The following PROKR2 variants were observed in gnomAD, a reference collection of about 807,000 sequenced individuals.
PROKR2 encodes G protein-coupled receptor 73-like 1.
PROKR2 carries 26 observed loss-of-function variants against 23.4 expected under a neutral mutation model. The ratio of observed to expected loss-of-function variants is 1.11; its 90% CI spans 0.81 to 1.54. The LOEUF (loss-of-function observed/expected upper bound fraction) is 1.54, where lower values mean the gene tolerates loss of function less well. Ranked by LOEUF, PROKR2 falls within the 40% of genes most tolerant of loss-of-function variation. PROKR2 has a pLI of 0.00. For synonymous variants in PROKR2, 212 were observed against 201.2 expected (o/e 1.05, Z -0.45); for missense variants, 453 against 511.5 (o/e 0.89, Z 1.10).
rs1326942914 is a variant in PROKR2, at chr20:5,299,448, A to G, written c.*2592T>C. Among the ~76,000 whole-genome samples, 1 of 151,948 alleles carries G rather than the reference A, an allele frequency of 6.6e-6. No individual in the cohort carries two copies. The highest frequency in any genetic ancestry group is 1.5e-5 in the Non-Finnish European group (1 of 67,988). On this transcript the variant is annotated 3_prime_UTR_variant, in exon 3 of 3. Coordinates refer to ENST00000678254, the MANE Select transcript of PROKR2 (RefSeq NM_144773.4). ...CTGATTCGGCTAAGAGCCAGGATAG[A>G]ATAATAAATAAAAATACAATTATTA...
chr20:5,312,631 G>A (rs1032091522), intron 2 of PROKR2, among the ~76,000 whole-genome samples: 2 of 152,138 alleles, frequency 1.3e-5, no homozygotes, highest in African/African-American at 4.8e-5. Context: ...TATTAAACTG[G>A]CTGAATAAAG....
rs1410697636 is a variant in PROKR2, at chr20:5,316,401, C to T, written c.-9+93G>A. On this transcript the variant is annotated intron_variant, in intron 1 of 2. Transcript: ENST00000678254. The surrounding 1 kb of genome is among the most constrained non-coding windows in gnomAD (Gnocchi z 5.0). ...GGCGGGAGGCAAAGCAGCCGGAATGCCCGAGAAAAAAGTGGGCGTCAGAGG... is the reference window on the plus strand; with the variant it reads ...GGCGGGAGGCAAAGCAGCCGGAATGTCCGAGAAAAAAGTGGGCGTCAGAGG... 1 of 455,948 alleles carries T rather than the reference C, an allele frequency of 2.2e-6. No individual in the cohort carries two copies. The highest frequency in any genetic ancestry group is 4.4e-6 in the Non-Finnish European group (1 of 226,762). The allele number at this position is 455,948 out of a possible 1,614,324, so 28.2% of individuals were successfully genotyped here.
At chr20:5,314,836 A>G (rs1198263416) in intron 1 of PROKR2, among the ~76,000 whole-genome samples, 1 of 152,224 alleles carries the variant, frequency 6.6e-6, no homozygotes, top group Non-Finnish European at 1.5e-5. Flanking sequence ...AACATTTCCA[A>G]GGATGCTCCC....
intron 2 of PROKR2, among the ~76,000 whole-genome samples, chr20:5,309,694 G>A (rs550208415): frequency 3.7e-4 from 57 of 152,128 alleles, no homozygotes; most frequent in Non-Finnish European, 6.3e-4. Context: ...CTTGGGTGAG[G>A]GACATTATTC....
intron 2 of PROKR2, 35 bp from the exon 3 acceptor site, chr20:5,302,771 G>T: frequency 6.6e-7 from 1 of 1,517,402 alleles, no homozygotes; most frequent in South Asian, 1.1e-5. Flanking sequence ...TAGTAATGAT[G>T]AATACGTGGA....
At chr20:5,312,820 G>A in intron 2 of PROKR2, among the ~76,000 whole-genome samples, 1 of 152,204 alleles carries the variant, frequency 6.6e-6, no homozygotes, top group East Asian at 1.9e-4. Context: ...ATGCTGGCCT[G>A]CAACTGTTCA....
chr20:5,303,642 A>G (rs7261856), intron 2 of PROKR2, among the ~76,000 whole-genome samples: 17,791 of 151,944 alleles, frequency 0.12, 1,110 homozygotes, highest in Non-Finnish European at 0.12. Context: ...ACCTAATGAC[A>G]CCTATTTAGA....
At chr20:5,307,319 C>T (rs1422534868) in intron 2 of PROKR2, among the ~76,000 whole-genome samples, 13 of 152,266 alleles carry the variant, frequency 8.5e-5, no homozygotes, top group South Asian at 4.2e-4. Context: ...CCTTCAACAA[C>T]GGCTGACACA....
intron 2 of PROKR2, among the ~76,000 whole-genome samples, chr20:5,308,192 G>GC (rs60181166): frequency 0.24 from 25,720 of 105,854 alleles, 2,605 homozygotes; most frequent in Non-Finnish European, 0.3. Flanking sequence ...TTGGGAACAG[G>GC]CCCCCCCCCC....
Position 5,302,492 on chromosome 20 carries a change from G to A in PROKR2, c.703C>T (p.Pro235Ser), listed in dbSNP as rs935819272. Residue 235 changes from proline (P) to serine (S), a missense_variant, in exon 3 of 3, where the codon CCT becomes TCT. Transcript: ENST00000678254. The stretch of plus-strand genomic sequence containing the variant: ...TAGCACAGGGTCATGGTGACCACAG[G>A]GCCCACGAACTCGACACCAAAGATG... ...LFIFGVEFVG[P>S]VVTMTLCYAR... The A allele has an allele frequency of 6.2e-7, 1 of 1,614,190 alleles. No individual in the cohort carries two copies. The highest frequency in any genetic ancestry group is 8.5e-7 in the Non-Finnish European group (1 of 1,180,040).
At chr20:5,303,833 G>C (rs764655779) in intron 2 of PROKR2, among the ~76,000 whole-genome samples, 36 of 152,274 alleles carry the variant, frequency 2.4e-4, no homozygotes, top group Non-Finnish European at 5.0e-4. Context: ...AACAAGAGCA[G>C]GATGCCGCCT....
rs751492158 is a variant in PROKR2, at chr20:5,314,370, G to A, written c.-1C>T. Reference sequence around the variant, plus strand: ...TGGTGTTTCCATTCTGGGCTGCCATGGTGATGTCTGCAAGAAAAGTGGTGT... The same window carrying A: ...TGGTGTTTCCATTCTGGGCTGCCATAGTGATGTCTGCAAGAAAAGTGGTGT... On this transcript the variant is annotated 5_prime_UTR_variant, in exon 2 of 3. Transcript: ENST00000678254. The A allele has an allele frequency of 1.2e-6, 2 of 1,613,700 alleles. No homozygotes were observed. Among genetic ancestry groups the A allele is most frequent in the South Asian group, 2.2e-5 (2 of 91,062 alleles).
chr20:5,308,014 G>A (rs1979284136), intron 2 of PROKR2, among the ~76,000 whole-genome samples: 1 of 151,372 alleles, frequency 6.6e-6, no homozygotes, highest in Non-Finnish European at 1.5e-5. Context: ...CCATTAAAAT[G>A]GATAAAAACA....
At chr20:5,305,989 G>A (rs1979203472) in intron 2 of PROKR2, among the ~76,000 whole-genome samples, 1 of 152,066 alleles carries the variant, frequency 6.6e-6, no homozygotes, top group African/African-American at 2.4e-5. Flanking sequence ...CATGAAATGG[G>A]GTATGTCCCT....
chr20:5,302,179 T>G lies in PROKR2; in HGVS notation c.1016A>C (p.Asn339Thr). Reference protein sequence around the residue: ...NTVCFVTVKNNTMKYFKKMML... With the variant: ...NTVCFVTVKNTTMKYFKKMML... ...CATCTTCTTGAAGTACTTCATGGTGTTGTTCTTGACCGTCACGAAGCACAC... is the reference window on the plus strand; with the variant it reads ...CATCTTCTTGAAGTACTTCATGGTGGTGTTCTTGACCGTCACGAAGCACAC... The change falls in exon 3 of 3, where the codon AAC becomes ACC. Residue 339 changes from asparagine (N) to threonine (T), a missense_variant. Transcript: ENST00000678254. 6.2e-7 allele frequency: 1 copy of G among 1,614,204 alleles called. No individual in the cohort carries two copies. Among genetic ancestry groups the G allele is most frequent in the Non-Finnish European group, 8.5e-7 (1 of 1,180,034 alleles).
intron 1 of PROKR2, chr20:5,315,780 G>T (rs1370465070): frequency 2.2e-6 from 1 of 450,780 alleles, no homozygotes; most frequent in Admixed American, 2.4e-5. Context: ...TCTCCAGGTC[G>T]CCCCTCCGTC....
At chr20:5,306,974 T>C (rs905708457) in intron 2 of PROKR2, among the ~76,000 whole-genome samples, 1 of 152,178 alleles carries the variant, frequency 6.6e-6, no homozygotes, top group Non-Finnish European at 1.5e-5. Flanking sequence ...AAATAATAAC[T>C]TGGGGTAGAG....
chr20:5,304,493 A>G (rs577363534), intron 2 of PROKR2, among the ~76,000 whole-genome samples: 1 of 152,336 alleles, frequency 6.6e-6, no homozygotes, highest in African/African-American at 2.4e-5. Flanking sequence ...TGGTGGGCAG[A>G]TGAAGCTTCC....
At position 5,316,257 on chromosome 20, in the gene PROKR2, C is replaced by G. The variant is rs559909133; in HGVS notation, c.-9+237G>C. Reference sequence around the variant, plus strand: ...CAGCTACCCGCTGGCTCCCTCTGCCCGCGCCCGCACACCACAGACTCCGCT... The same window carrying G: ...CAGCTACCCGCTGGCTCCCTCTGCCGGCGCCCGCACACCACAGACTCCGCT... On this transcript the variant is annotated intron_variant, in intron 1 of 2. Coordinates refer to ENST00000678254, the MANE Select transcript of PROKR2 (RefSeq NM_144773.4). The surrounding 1 kb of genome is among the most constrained non-coding windows in gnomAD (Gnocchi z 5.0). 1 of 456,672 alleles carries G rather than the reference C, an allele frequency of 2.2e-6. No individual in the cohort carries two copies. Among genetic ancestry groups the G allele is most frequent in the East Asian group, 7.0e-5 (1 of 14,354 alleles). The allele number at this position is 456,672 out of a possible 1,614,324, so 28.3% of individuals were successfully genotyped here. A position where few individuals can be genotyped will look rare whatever the true frequency, so the allele number is the denominator to read the frequency against.
Sources: allele counts gnomAD v4.1 joint callset (sites outside exome capture counted in the v4.1 genomes callset), GRCh38; gene constraint gnomAD v4.1.1; non-coding constraint Gnocchi (gnomAD v3.1); transcripts MANE v1.5; gene names NCBI Gene and HGNC (gene_info 2026-07-23, HGNC 2026-07-21).